Variants in RIMS1 observed in about 807,000 individuals in gnomAD.
RIMS1 encodes the protein regulating synaptic membrane exocytosis protein 1.
Under a neutral mutation model 214.1 loss-of-function variants are expected in RIMS1, and 83 were observed. That is an observed-to-expected ratio of 0.39 (90% CI 0.32 to 0.47). The LOEUF is 0.47. RIMS1 is among the 20% of genes least tolerant of loss of function. RIMS1 has a pLI of 0.99. For synonymous variants in RIMS1, 793 were observed against 786.8 expected, an observed-to-expected ratio of 1.01 and a Z score of -0.13; for missense variants, 2,050 against 2,161.8, an observed-to-expected ratio of 0.95 and a Z score of 1.03.
At chr6:72,064,590 C>T (rs1828803852) in intron 2 of RIMS1, among the ~76,000 whole-genome samples, 1 of 152,202 alleles carries the variant, frequency 6.6e-6, no homozygotes, top group Non-Finnish European at 1.5e-5. Flanking sequence ...AATGTGGTTC[C>T]AGCACAGCTG....
At chr6:72,127,203 A>G (rs919188651) in intron 4 of RIMS1, among the ~76,000 whole-genome samples, 3 of 152,172 alleles carry the variant, frequency 2.0e-5, no homozygotes, top group African/African-American at 7.2e-5. Flanking sequence ...CTTTTCAGCA[A>G]AAGGAAAATA....
In RIMS1 at chr6:71,886,930, C is replaced by G; in HGVS notation, c.-94C>G. 1 of 1,456,226 alleles carries G rather than the reference C, an allele frequency of 6.9e-7. No individual in the cohort carries two copies. The highest frequency in any genetic ancestry group is 2.0e-5 in the Admixed American group (1 of 50,314). 90.2% of individuals were successfully genotyped at this position (1,456,226 alleles called of 1,614,324 possible). A position where few individuals can be genotyped will look rare whatever the true frequency, so the allele number is the denominator to read the frequency against. ...TCCTCCTGCCGCCGCCGCTAGGGCT[C>G]CGCTGTGAGGGGGAAGCAGGGGCGC... On this transcript the variant is annotated 5_prime_UTR_variant, in exon 1 of 34. Transcript: ENST00000521978.
intron 33 of RIMS1, 65 bp downstream of exon 33, chr6:72,399,159 G>T: frequency 7.4e-7 from 1 of 1,342,842 alleles, no homozygotes; most frequent in Non-Finnish European, 1.0e-6. Context: ...TCGAAGAGAT[G>T]GTCAAACACA....
At chr6:71,960,900 A>C (rs562917109) in intron 1 of RIMS1, among the ~76,000 whole-genome samples, 1 of 152,050 alleles carries the variant, frequency 6.6e-6, no homozygotes. Context: ...AGTGAAAAAA[A>C]AATTTTTTTT....
At chr6:72,238,007 A>G (rs2064993814) in intron 9 of RIMS1, 85 bp downstream of exon 9, 6 of 789,338 alleles carry the variant, frequency 7.6e-6, no homozygotes, top group Non-Finnish European at 1.2e-5. Context: ...GGTTAGTTTT[A>G]TATATACATA....
At chr6:72,105,424 T>C (rs2034543848) in intron 4 of RIMS1, among the ~76,000 whole-genome samples, 2 of 152,110 alleles carry the variant, frequency 1.3e-5, no homozygotes, top group South Asian at 4.1e-4. Flanking sequence ...TTCAAGAAAA[T>C]TCAATTGCAT....
At chr6:72,073,448 G>T (rs2152312223) in intron 2 of RIMS1, among the ~76,000 whole-genome samples, 1 of 152,266 alleles carries the variant, frequency 6.6e-6, no homozygotes, top group Middle Eastern at 3.4e-3. Flanking sequence ...CCACTGAGAT[G>T]AATTCAAAAT....
intron 6 of RIMS1, among the ~76,000 whole-genome samples, chr6:72,223,580 C>T (rs951429296): frequency 6.6e-6 from 1 of 152,028 alleles, no homozygotes; most frequent in Non-Finnish European, 1.5e-5. Context: ...AATTAGGCTG[C>T]ATATTTAATC....
chr6:72,122,554 C>T (rs2038624702), intron 4 of RIMS1, among the ~76,000 whole-genome samples: 1 of 151,748 alleles, frequency 6.6e-6, no homozygotes. Context: ...AGGAATGGTA[C>T]CAGCTCCTCT....
intron 2 of RIMS1, among the ~76,000 whole-genome samples, chr6:72,062,781 C>T (rs1459021056): frequency 6.6e-6 from 1 of 152,128 alleles, no homozygotes; most frequent in Non-Finnish European, 1.5e-5. Flanking sequence ...GGTTCCATAT[C>T]ACTTCTGTAG....
chr6:72,271,541 G>A (rs892182516), intron 22 of RIMS1, among the ~76,000 whole-genome samples: 3 of 151,604 alleles, frequency 2.0e-5, no homozygotes, highest in African/African-American at 4.8e-5. Context: ...AAGCTTCTTA[G>A]CCATGTTCTG....
chr6:72,184,255 A>G (rs1044439063), intron 6 of RIMS1, among the ~76,000 whole-genome samples: 5 of 152,054 alleles, frequency 3.3e-5, no homozygotes, highest in East Asian at 1.9e-4. Flanking sequence ...AAGCAACGTC[A>G]TGACATTACA....
intron 24 of RIMS1, among the ~76,000 whole-genome samples, chr6:72,287,183 A>G (rs1206335314): frequency 6.6e-6 from 1 of 152,158 alleles, no homozygotes; most frequent in Non-Finnish European, 1.5e-5. Context: ...TTGGACTACT[A>G]TTTAGAATTG....
At chr6:72,002,539 G>A (rs981846797) in intron 2 of RIMS1, among the ~76,000 whole-genome samples, 1 of 152,168 alleles carries the variant, frequency 6.6e-6, no homozygotes, top group Non-Finnish European at 1.5e-5. Context: ...CTGCCACAGT[G>A]CTCCTATAAG....
chr6:72,225,787 C>T (rs937364634), intron 6 of RIMS1, among the ~76,000 whole-genome samples: 1 of 152,158 alleles, frequency 6.6e-6, no homozygotes, highest in East Asian at 1.9e-4. Flanking sequence ...CAGCACTTCC[C>T]AAATTCTTAT....
chr6:72,119,471 C>T (rs2037775183), intron 4 of RIMS1, among the ~76,000 whole-genome samples: 3 of 151,534 alleles, frequency 2.0e-5, no homozygotes. Flanking sequence ...TTATATGGAA[C>T]CAAAAAAGAG....
At chr6:72,122,592 A>T (rs1356029399) in intron 4 of RIMS1, among the ~76,000 whole-genome samples, 1 of 151,676 alleles carries the variant, frequency 6.6e-6, no homozygotes, top group Non-Finnish European at 1.5e-5. Context: ...TTTGGCTGTG[A>T]ATTTGTCTGG....
chr6:72,332,757 A>G (rs951186788), intron 28 of RIMS1, among the ~76,000 whole-genome samples: 2 of 151,728 alleles, frequency 1.3e-5, no homozygotes, highest in African/African-American at 4.8e-5. Flanking sequence ...TCTCAGACGT[A>G]GTTTACTTTG....
chr6:72,309,365 A>G (rs1438419204), intron 27 of RIMS1, among the ~76,000 whole-genome samples: 2 of 152,144 alleles, frequency 1.3e-5, no homozygotes, highest in African/African-American at 4.8e-5. Context: ...TACCAAATTT[A>G]TGACAACTGG....
Sources: gnomAD v4.1 joint callset for allele counts (sites outside exome capture counted in the v4.1 genomes callset) on GRCh38, gnomAD v4.1.1 for gene constraint, MANE v1.5 for transcripts, NCBI Gene and HGNC (gene_info 2026-07-23, HGNC 2026-07-21) for gene names.